Variants in MTMR3 observed in about 807,000 individuals in gnomAD.
MTMR3 encodes the protein phosphatidylinositol-3,5-bisphosphate 3-phosphatase MTMR3.
Under a neutral mutation model 132.4 loss-of-function variants are expected in MTMR3, and 32 were observed. The ratio of observed to expected loss-of-function variants is 0.24; its 90% CI spans 0.18 to 0.32. The LOEUF is 0.32. Ranked by LOEUF, MTMR3 falls within the 10% of genes least tolerant of loss-of-function variation. MTMR3 has a pLI of 1.00. For missense variants in MTMR3, 1,216 were observed against 1,489.6 expected (o/e 0.82, Z 3.02); for synonymous variants, 556 against 550.3 (o/e 1.01, Z -0.14).
At chr22:29,935,995 G>A (rs915351014) in intron 1 of MTMR3, among the ~76,000 whole-genome samples, 4 of 151,016 alleles carry the variant, frequency 2.6e-5, no homozygotes, top group African/African-American at 4.9e-5. Context: ...CTCATGATCC[G>A]CCCTCTTTGG....
At chr22:29,893,079 C>T (rs2145708407) in intron 1 of MTMR3, among the ~76,000 whole-genome samples, 1 of 152,302 alleles carries the variant, frequency 6.6e-6, no homozygotes, top group East Asian at 1.9e-4. Context: ...AATACATTGC[C>T]TGGTACAGAG....
chr22:29,919,340 C>T (rs548696074), intron 1 of MTMR3, among the ~76,000 whole-genome samples: 4 of 152,060 alleles, frequency 2.6e-5, no homozygotes, highest in South Asian at 2.1e-4. Context: ...GGATTTCTCA[C>T]GTATCTGGTG....
Position 30,020,033 on chromosome 22 carries a change from C to G in MTMR3, c.2374C>G (p.Pro792Ala), listed in dbSNP as rs768737540. The change falls in exon 17 of 20, where the codon CCT becomes GCT. Residue 792 changes from proline to alanine, a missense_variant. By Grantham distance (27) the Pro-to-Ala change is conservative (BLOSUM62 -1). Transcript: ENST00000401950. The stretch of plus-strand genomic sequence containing the variant: ...CAGGGGAGAGGATTCCCTGGAGGTC[C>G]CTGTGGAGCAGTTTCGAATAGAAGA... ...PPRGEDSLEV[P>A]VEQFRIEEIA... 1 of 1,614,122 alleles carries G rather than the reference C, an allele frequency of 6.2e-7. No individual in the cohort carries two copies. Among genetic ancestry groups the G allele is most frequent in the Admixed American group, 1.7e-5 (1 of 60,018 alleles).
intron 1 of MTMR3, among the ~76,000 whole-genome samples, chr22:29,943,722 T>G (rs952868313): frequency 2.0e-5 from 3 of 152,090 alleles, no homozygotes; most frequent in South Asian, 2.1e-4. Context: ...GCTCTTATAG[T>G]CTTAGAACAT....
chr22:29,918,536 T>C (rs1260442942), intron 1 of MTMR3, among the ~76,000 whole-genome samples: 2 of 152,314 alleles, frequency 1.3e-5, no homozygotes, highest in East Asian at 3.9e-4. Context: ...GTGCCACCTA[T>C]TTACTAGGCA....
chr22:30,023,053 G>A, intron 19 of MTMR3: 1 of 394,274 alleles, frequency 2.5e-6, no homozygotes, highest in South Asian at 3.0e-5. Context: ...GATGGGGAGG[G>A]AACTATTTTC....
Position 30,020,159 on chromosome 22 carries a change from C to A in MTMR3, c.2500C>A (p.Pro834Thr). 6.2e-7 allele frequency: 1 copy of A among 1,614,224 alleles called. No individual in the cohort carries two copies. The highest frequency in any genetic ancestry group is 1.1e-5 in the South Asian group (1 of 91,086). ...QSCSLLPSQVPFETRGPNVDS... is the reference protein window; with the variant it reads ...QSCSLLPSQVTFETRGPNVDS... ...ATGTTCTCTGCTACCTTCCCAAGTC[C>A]CTTTTGAGACCAGAGGACCAAACGT... is the stretch of plus-strand genomic sequence containing the variant. The change falls in exon 17 of 20, where the codon CCT (proline) becomes ACT (threonine). Residue 834 changes from proline to threonine, a missense_variant. By Grantham distance (38) the Pro-to-Thr change is conservative. Coordinates refer to ENST00000401950, the MANE Select transcript of MTMR3 (RefSeq NM_021090.4).
chr22:29,955,596 A>C (rs779719408), intron 1 of MTMR3, among the ~76,000 whole-genome samples: 1 of 152,202 alleles, frequency 6.6e-6, no homozygotes, highest in African/African-American at 2.4e-5. Flanking sequence ...TCATTGTCAT[A>C]TAGTGTGTGT....
rs566984164 is a variant in MTMR3, at chr22:29,899,253, A to G, written c.-138+15894A>G. On this transcript the variant is annotated intron_variant, in intron 1 of 19. Coordinates refer to ENST00000401950, the MANE Select transcript of MTMR3 (RefSeq NM_021090.4). Reference sequence around the variant, plus strand: ...AGTCCTATTCTTTGGAAATTTTGCTATGTTGCCCCTGCTGGTCTTGAACTC... The same window carrying G: ...AGTCCTATTCTTTGGAAATTTTGCTGTGTTGCCCCTGCTGGTCTTGAACTC... Among the ~76,000 whole-genome samples the G allele has an allele frequency of 3.4e-4, 51 of 152,192 alleles. No individual in the cohort carries two copies. In the South Asian group the frequency reaches 9.5e-3, roughly 28 times the overall value.
intron 1 of MTMR3, among the ~76,000 whole-genome samples, chr22:29,925,254 C>G (rs929227475): frequency 6.6e-6 from 1 of 152,074 alleles, no homozygotes; most frequent in East Asian, 1.9e-4. Context: ...ATCGGTCTCA[C>G]ACTCCTGGGC....
chr22:29,971,205 TTTC>T (rs1197297006), intron 3 of MTMR3, 143 bp downstream of exon 3: 2 of 775,932 alleles, frequency 2.6e-6, no homozygotes, highest in African/African-American at 2.0e-5. Context: ...TCTTGTGTCT[TTTC>T]TTTTCTTGTT....
intron 1 of MTMR3, among the ~76,000 whole-genome samples, chr22:29,905,918 T>A (rs2065084750): frequency 6.6e-6 from 1 of 152,222 alleles, no homozygotes; most frequent in African/African-American, 2.4e-5. Context: ...TGTTACATAT[T>A]AACTTTTTTC....
intron 1 of MTMR3, among the ~76,000 whole-genome samples, chr22:29,942,607 G>A (rs996978776): frequency 3.9e-5 from 6 of 152,142 alleles, no homozygotes; most frequent in Admixed American, 6.5e-5. Context: ...AAAGATAGCC[G>A]TCCCCAAAGC....
intron 2 of MTMR3, among the ~76,000 whole-genome samples, chr22:29,968,047 C>T (rs192093889): frequency 8.5e-4 from 128 of 150,568 alleles, no homozygotes; most frequent in African/African-American, 2.9e-3. Context: ...AATGCTGTTA[C>T]GAAAATTTGT....
chr22:30,014,485 C>T (rs1207666786), intron 14 of MTMR3: 2 of 148,732 alleles, frequency 1.3e-5, no homozygotes, highest in African/African-American at 2.5e-5. Flanking sequence ...TGCTGATTCC[C>T]CTTAATCCCT....
chr22:30,019,586 G>A lies in MTMR3; in HGVS notation c.1927G>A (p.Glu643Lys). The change falls in exon 17 of 20, where the codon GAG becomes AAG. Residue 643 changes from glutamate to lysine, a missense_variant. Physicochemically the swap from Glu to Lys is moderately conservative, Grantham distance 56. Around this residue, in one of 7 missense-constraint regions of MTMR3, gnomAD observed 852 missense variants for 852.0 expected, o/e 1.00. Coordinates refer to ENST00000401950, the MANE Select transcript of MTMR3 (RefSeq NM_021090.4). ...CCCCAGCCTGAACGAGAAGTGGCAG[G>A]AGCACCGGCGCTCACTAGAGCTGAG... is the stretch of plus-strand genomic sequence containing the variant. ...SDPSLNEKWQEHRRSLELSSL... is the reference protein window; with the variant it reads ...SDPSLNEKWQKHRRSLELSSL... The A allele has an allele frequency of 6.2e-7, 1 of 1,613,938 alleles. No homozygotes were observed. The highest frequency in any genetic ancestry group is 8.5e-7 in the Non-Finnish European group (1 of 1,180,048).
chr22:29,889,340 T>C (rs539367205), intron 1 of MTMR3, among the ~76,000 whole-genome samples: 31 of 147,370 alleles, frequency 2.1e-4, no homozygotes, highest in Non-Finnish European at 3.3e-4. Flanking sequence ...CAGGCTGGAA[T>C]GCAGTGGTGT....
At chr22:29,903,987 A>G (rs1384107664) in intron 1 of MTMR3, among the ~76,000 whole-genome samples, 1 of 152,146 alleles carries the variant, frequency 6.6e-6, no homozygotes, top group African/African-American at 2.4e-5. Flanking sequence ...ACATTAAAAT[A>G]CCTGCCTGGA....
chr22:29,973,306 A>G (rs1420258930), intron 3 of MTMR3, among the ~76,000 whole-genome samples: 1 of 152,260 alleles, frequency 6.6e-6, no homozygotes, highest in African/African-American at 2.4e-5. Flanking sequence ...TCTCAAGCCT[A>G]TGCAGAGAGA....
Sources: gnomAD v4.1 joint callset for allele counts (sites outside exome capture counted in the v4.1 genomes callset) on GRCh38, gnomAD v4.1.1 for gene constraint, gnomAD v4.1.1 regional missense constraint, MANE v1.5 for transcripts, NCBI Gene and HGNC (gene_info 2026-07-23, HGNC 2026-07-21) for gene names.